Variants in CNTNAP2 observed in about 807,000 individuals in gnomAD.
CNTNAP2 encodes contactin-associated protein-like 2.
A neutral mutation model predicts 155.2 loss-of-function variants in CNTNAP2; 98 were observed. The observed-to-expected ratio is 0.63, with a 90% CI of 0.54 to 0.75. CNTNAP2 has a LOEUF of 0.75. Ranked by LOEUF, CNTNAP2 falls within the 30% of genes least tolerant of loss-of-function variation. The probability of loss-of-function intolerance (pLI) is 0.00; values close to 1 mark genes in which losing one functional copy is unlikely to be tolerated. For synonymous variants in CNTNAP2, 651 were observed against 631.2 expected, an observed-to-expected ratio of 1.03 and a Z score of -0.47; for missense variants, 1,727 against 1,688.1, an observed-to-expected ratio of 1.02 and a Z score of -0.40.
At chr7:147,170,711 T>C (rs547903121) in intron 8 of CNTNAP2, among the ~76,000 whole-genome samples, 10 of 152,264 alleles carry the variant, frequency 6.6e-5, no homozygotes, top group Non-Finnish European at 1.3e-4. Context: ...GGTTGGGTTC[T>C]GGGTGTGCTG....
At chr7:146,517,989 G>T (rs1797565501) in intron 1 of CNTNAP2, among the ~76,000 whole-genome samples, 2 of 151,824 alleles carry the variant, frequency 1.3e-5, no homozygotes, top group Non-Finnish European at 2.9e-5. Flanking sequence ...TTCCCAAATT[G>T]TCTTCATTTA....
At chr7:146,330,552 G>T (rs1000833432) in intron 1 of CNTNAP2, among the ~76,000 whole-genome samples, 1 of 152,118 alleles carries the variant, frequency 6.6e-6, no homozygotes, top group African/African-American at 2.4e-5. Flanking sequence ...AGAATAATGG[G>T]GACATGGAGG....
At chr7:148,410,346 G>C (rs1799806296) in intron 23 of CNTNAP2, among the ~76,000 whole-genome samples, 1 of 152,226 alleles carries the variant, frequency 6.6e-6, no homozygotes, top group South Asian at 2.1e-4. Context: ...GAGGCAGGTG[G>C]ATCATTTGAG....
At position 147,657,043 on chromosome 7, in the gene CNTNAP2, ATTC is replaced by A. The variant is rs1197996048; in HGVS notation, c.2098+17742_2098+17744del. 2.6e-5 allele frequency among the ~76,000 whole-genome samples: 4 copies of A among 152,334 alleles called. No individual in the cohort carries two copies. In the East Asian group the frequency reaches 5.8e-4, roughly 22 times the overall value. ...TTCAAAAAGAAACTACTCAAGCACA[ATTC>A]TTCTACTCAAAATGTCCCTGAAGTG... On this transcript the variant is annotated intron_variant, in intron 13 of 23. Transcript: ENST00000361727.
chr7:147,664,210 G>C (rs1276625594), intron 13 of CNTNAP2, among the ~76,000 whole-genome samples: 2 of 152,206 alleles, frequency 1.3e-5, no homozygotes, highest in African/African-American at 2.4e-5. Flanking sequence ...GTATTAAAAA[G>C]TGATAGAACG....
At chr7:146,696,301 A>G (rs1800782124) in intron 1 of CNTNAP2, among the ~76,000 whole-genome samples, 1 of 152,164 alleles carries the variant, frequency 6.6e-6, no homozygotes, top group Non-Finnish European at 1.5e-5. Context: ...AGGTTATCAA[A>G]TCTGTAAGCA....
intron 15 of CNTNAP2, among the ~76,000 whole-genome samples, chr7:147,995,181 G>A (rs1801780592): frequency 6.6e-6 from 1 of 152,126 alleles, no homozygotes; most frequent in South Asian, 2.1e-4. Flanking sequence ...TACCAGGCAT[G>A]CACCCAAAAC....
At position 146,314,128 on chromosome 7, in the gene CNTNAP2, C is replaced by T. The variant is rs569199660; in HGVS notation, c.97+197155C>T. Among the ~76,000 whole-genome samples, 89 of 152,240 alleles carry T rather than the reference C, an allele frequency of 5.8e-4. 2 individuals carry two copies. The South Asian group carries it at 0.018, about 31-fold the overall frequency. On this transcript the variant is annotated intron_variant, in intron 1 of 23. Transcript: ENST00000361727. ...ATTTGTTGAATAAAATCCGTCATTTCCTATTATGTATTCTTGTCACCTTTG... is the reference window on the plus strand; with the variant it reads ...ATTTGTTGAATAAAATCCGTCATTTTCTATTATGTATTCTTGTCACCTTTG...
intron 8 of CNTNAP2, among the ~76,000 whole-genome samples, chr7:147,145,703 A>G (rs562739226): frequency 3.3e-5 from 5 of 152,174 alleles, no homozygotes; most frequent in Admixed American, 2.6e-4. Context: ...CTATGTTGTT[A>G]TGGTTTCCTG....
intron 15 of CNTNAP2, chr7:148,056,570 C>T (rs1339449328): frequency 6.6e-6 from 1 of 152,216 alleles, no homozygotes; most frequent in Non-Finnish European, 1.5e-5. Context: ...TATCTGCTAA[C>T]TTGATTCCAT....
chr7:147,281,674 T>G (rs1805038295), intron 8 of CNTNAP2, among the ~76,000 whole-genome samples: 1 of 151,854 alleles, frequency 6.6e-6, no homozygotes, highest in Non-Finnish European at 1.5e-5. Flanking sequence ...GAGAAATATA[T>G]TCATGAATAT....
chr7:146,805,654 A>C (rs1040784745), intron 2 of CNTNAP2, among the ~76,000 whole-genome samples: 6 of 152,156 alleles, frequency 3.9e-5, no homozygotes, highest in African/African-American at 9.7e-5. Flanking sequence ...CATGTCTATA[A>C]TATTAATCTC....
chr7:147,929,826 C>G (rs1367067057), intron 14 of CNTNAP2, among the ~76,000 whole-genome samples: 2 of 152,110 alleles, frequency 1.3e-5, no homozygotes. Context: ...TTCTATGGAC[C>G]AGGGTTGGTG....
chr7:146,573,209 C>T (rs62481792), intron 1 of CNTNAP2, among the ~76,000 whole-genome samples: 1 of 152,114 alleles, frequency 6.6e-6, no homozygotes, highest in South Asian at 2.1e-4. Flanking sequence ...GTGGCACAAT[C>T]TCGGCTCACT....
intron 21 of CNTNAP2, among the ~76,000 whole-genome samples, chr7:148,274,522 G>A (rs1398552188): frequency 6.6e-6 from 1 of 152,206 alleles, no homozygotes; most frequent in African/African-American, 2.4e-5. Flanking sequence ...CATCTCCTTG[G>A]TGATAAGTGA....
intron 14 of CNTNAP2, among the ~76,000 whole-genome samples, chr7:147,952,502 G>C (rs751071360): frequency 4.0e-5 from 6 of 151,810 alleles, no homozygotes; most frequent in Non-Finnish European, 8.8e-5. Flanking sequence ...GAAAATCATA[G>C]TATTTTGGCA....
intron 12 of CNTNAP2, among the ~76,000 whole-genome samples, chr7:147,624,966 G>C (rs1794941734): frequency 6.6e-6 from 1 of 152,096 alleles, no homozygotes; most frequent in African/African-American, 2.4e-5. Flanking sequence ...AACATGGATG[G>C]AACTAGAGAT....
chr7:148,295,104 C>T (rs1365889334), intron 21 of CNTNAP2, among the ~76,000 whole-genome samples: 3 of 152,128 alleles, frequency 2.0e-5, no homozygotes, highest in Non-Finnish European at 4.4e-5. Context: ...TTTTAAAAAT[C>T]CATTACCTTT....
chr7:147,849,171 C>A (rs780787390), intron 13 of CNTNAP2, among the ~76,000 whole-genome samples: 2 of 152,104 alleles, frequency 1.3e-5, no homozygotes, highest in Non-Finnish European at 2.9e-5. Flanking sequence ...GTAAAGTGAC[C>A]ATTAGCATAA....
Sources: gnomAD v4.1 joint callset for allele counts (sites outside exome capture counted in the v4.1 genomes callset) on GRCh38, gnomAD v4.1.1 for gene constraint, MANE v1.5 for transcripts, NCBI Gene and HGNC (gene_info 2026-07-23, HGNC 2026-07-21) for gene names.